GALNT17: variants seen among roughly 807,000 people sequenced by gnomAD.
The protein encoded by GALNT17 is polypeptide N-acetylgalactosaminyltransferase 17.
Under a neutral mutation model 63.7 loss-of-function variants are expected in GALNT17, and 29 were observed. The ratio of observed to expected loss-of-function variants is 0.46; its 90% confidence interval spans 0.34 to 0.62. GALNT17 has a LOEUF of 0.62. Ranked by LOEUF, GALNT17 falls within the 20% of genes least tolerant of loss-of-function variation. The pLI is 0.01. For missense variants in GALNT17, 603 were observed against 799.6 expected, an observed-to-expected ratio of 0.75 and a Z score of 2.97; for synonymous variants, 305 against 318.3, an observed-to-expected ratio of 0.96 and a Z score of 0.45.
At chr7:71,570,785 GC>G (rs1346544866) in intron 5 of GALNT17, among the ~76,000 whole-genome samples, 1 of 152,012 alleles carries the variant, frequency 6.6e-6, no homozygotes, top group East Asian at 1.9e-4. Flanking sequence ...TTCGAGACCA[GC>G]CTGACCAACA....
intron 5 of GALNT17, among the ~76,000 whole-genome samples, chr7:71,565,149 C>A (rs10950264): frequency 0.51 from 77,256 of 151,772 alleles, 20,337 homozygotes; most frequent in African/African-American, 0.63. Context: ...TGCCTGTAAT[C>A]CCAGCTACTT....
chr7:71,392,068 T>C (rs1233193885), intron 3 of GALNT17, among the ~76,000 whole-genome samples: 1 of 152,130 alleles, frequency 6.6e-6, no homozygotes, highest in Non-Finnish European at 1.5e-5. Flanking sequence ...CCACCAGGCC[T>C]CACCTCCAAC....
intron 2 of GALNT17, among the ~76,000 whole-genome samples, chr7:71,379,742 A>G (rs1792810326): frequency 6.6e-6 from 1 of 152,020 alleles, no homozygotes. Context: ...TGAATTTGGG[A>G]TGTTTATGAG....
chr7:71,170,428 C>T (rs563356210), intron 1 of GALNT17, among the ~76,000 whole-genome samples: 21 of 152,086 alleles, frequency 1.4e-4, no homozygotes, highest in African/African-American at 4.3e-4. Flanking sequence ...CTCTGCCTCC[C>T]GGGTTCGAGC....
chr7:71,544,510 C>A (rs1161057815), intron 5 of GALNT17, among the ~76,000 whole-genome samples: 1 of 152,120 alleles, frequency 6.6e-6, no homozygotes, highest in African/African-American at 2.4e-5. Flanking sequence ...TGAGAACTGG[C>A]TGCAGCTAGC....
chr7:71,387,097 A>T (rs2116337899), intron 2 of GALNT17, among the ~76,000 whole-genome samples: 1 of 151,932 alleles, frequency 6.6e-6, no homozygotes, highest in South Asian at 2.1e-4. Context: ...TGTGTTATGA[A>T]GATTGCTCCT....
At chr7:71,548,327 C>T (rs1789020527) in intron 5 of GALNT17, among the ~76,000 whole-genome samples, 1 of 152,052 alleles carries the variant, frequency 6.6e-6, no homozygotes, top group African/African-American at 2.4e-5. Flanking sequence ...TCCTGTCACA[C>T]TGTGCCCCCA....
chr7:71,165,873 T>C (rs1173791360), intron 1 of GALNT17, among the ~76,000 whole-genome samples: 1 of 149,894 alleles, frequency 6.7e-6, no homozygotes, highest in African/African-American at 2.5e-5. Context: ...TATGTGACTA[T>C]GTAAATAAAC....
chr7:71,384,992 T>C (rs1177415107), intron 2 of GALNT17, among the ~76,000 whole-genome samples: 1 of 152,136 alleles, frequency 6.6e-6, no homozygotes, highest in African/African-American at 2.4e-5. Context: ...TTGTTAGAAG[T>C]GTTTAATGTG....
intron 5 of GALNT17, among the ~76,000 whole-genome samples, chr7:71,444,576 C>G (rs1281032084): frequency 6.6e-6 from 1 of 152,344 alleles, no homozygotes; most frequent in East Asian, 1.9e-4. Flanking sequence ...TGGCTCACGC[C>G]TGTAATCCCA....
At chr7:71,538,541 A>T (rs1303243795) in intron 5 of GALNT17, among the ~76,000 whole-genome samples, 1 of 152,184 alleles carries the variant, frequency 6.6e-6, no homozygotes, top group South Asian at 2.1e-4. Flanking sequence ...AAGCTTTTAA[A>T]CTTGAGAGTG....
intron 5 of GALNT17, among the ~76,000 whole-genome samples, chr7:71,544,639 T>TG (rs1420171828): frequency 1.3e-5 from 2 of 151,700 alleles, no homozygotes. Flanking sequence ...CTTTCTTGCC[T>TG]GGGGGGAGTA....
chr7:71,531,019 A>G (rs968505333), intron 5 of GALNT17, among the ~76,000 whole-genome samples: 1 of 151,886 alleles, frequency 6.6e-6, no homozygotes, highest in African/African-American at 2.4e-5. Context: ...TGAACACTTG[A>G]AATATAGCCA....
chr7:71,632,155 GCTCTTACAAGGA>G (rs1191954332), intron 6 of GALNT17, among the ~76,000 whole-genome samples: 1 of 152,236 alleles, frequency 6.6e-6, no homozygotes, highest in African/African-American at 2.4e-5. Flanking sequence ...CTGAAAAGAT[GCTCTTACAAGGA>G]CCATTAAGGC....
chr7:71,498,503 T>C (rs957678857), intron 5 of GALNT17, among the ~76,000 whole-genome samples: 1 of 152,036 alleles, frequency 6.6e-6, no homozygotes. Flanking sequence ...GAAAGGGCTA[T>C]GTAATATTGG....
chr7:71,479,650 A>G (rs1787781446), intron 5 of GALNT17, among the ~76,000 whole-genome samples: 1 of 152,164 alleles, frequency 6.6e-6, no homozygotes. Flanking sequence ...CTCTGTAGAA[A>G]TGCCCAGAGA....
At chr7:71,350,254 A>C (rs1792166609) in intron 2 of GALNT17, among the ~76,000 whole-genome samples, 1 of 152,180 alleles carries the variant, frequency 6.6e-6, no homozygotes, top group Non-Finnish European at 1.5e-5. Context: ...CAGTCCTTGT[A>C]CTCATTTGAT....
chr7:71,222,350 T>A (rs996177176), intron 1 of GALNT17, among the ~76,000 whole-genome samples: 1 of 152,170 alleles, frequency 6.6e-6, no homozygotes, highest in African/African-American at 2.4e-5. Flanking sequence ...TGGAGTACAG[T>A]GGCTCGATCT....
At chr7:71,382,861 C>A (rs1328785291) in intron 2 of GALNT17, among the ~76,000 whole-genome samples, 1 of 152,038 alleles carries the variant, frequency 6.6e-6, no homozygotes, top group Non-Finnish European at 1.5e-5. Context: ...ATATACATAA[C>A]ATAAAATTTA....
Sources: gnomAD v4.1 joint callset for allele counts (sites outside exome capture counted in the v4.1 genomes callset) on GRCh38, gnomAD v4.1.1 for gene constraint, MANE v1.5 for transcripts, NCBI Gene and HGNC (gene_info 2026-07-23, HGNC 2026-07-21) for gene names.